Variants in CFHR2 observed in about 807,000 individuals in gnomAD.
The protein encoded by CFHR2 is complement factor H related 2, also known as complement factor H-related protein 2.
In CFHR2, 22 loss-of-function variants were observed where a neutral mutation model predicts 21.7. That is an observed-to-expected ratio of 1.01 (90% CI 0.72 to 1.45). The LOEUF (loss-of-function observed/expected upper bound fraction) is 1.45. CFHR2 is among the 40% of genes most tolerant of loss of function. The pLI is 0.00. For synonymous variants in CFHR2, 98 were observed against 97.4 expected, an observed-to-expected ratio of 1.01 and a Z score of -0.04; for missense variants, 294 against 293.3, an observed-to-expected ratio of 1.00 and a Z score of -0.02.
chr1:196,955,574 C>T (rs1222298779), intron 3 of CFHR2, among the ~76,000 whole-genome samples: 1 of 152,190 alleles, frequency 6.6e-6, no homozygotes, highest in Non-Finnish European at 1.5e-5. Flanking sequence ...TTTGGCCAGA[C>T]ATGGTGGCTC....
chr1:196,956,278 C>A (rs1443180225), intron 3 of CFHR2, among the ~76,000 whole-genome samples: 2 of 152,094 alleles, frequency 1.3e-5, no homozygotes, highest in Non-Finnish European at 2.9e-5. Context: ...TGATATCATT[C>A]CCTTCTTGTA....
intron 3 of CFHR2, among the ~76,000 whole-genome samples, chr1:196,953,025 A>G (rs1189321740): frequency 6.6e-6 from 1 of 152,176 alleles, no homozygotes; most frequent in East Asian, 1.9e-4. Context: ...ATGGTAGCTC[A>G]AGAACGCTGT....
At chr1:196,946,311 T>G (rs934922263) in intron 1 of CFHR2, among the ~76,000 whole-genome samples, 1 of 152,218 alleles carries the variant, frequency 6.6e-6, no homozygotes, top group African/African-American at 2.4e-5. Flanking sequence ...GTTACATGGA[T>G]AAGTTCTTCA....
rs1652986259 is a variant in CFHR2 at position 196,958,445 on chromosome 1, T to G, written c.613+372T>G. Among the ~76,000 whole-genome samples the G allele has an allele frequency of 2.0e-5, 3 of 151,684 alleles. No individual in the cohort carries two copies. The South Asian group carries it at 6.2e-4, about 32-fold the overall frequency. On this transcript the variant is annotated intron_variant, in intron 4 of 4. Transcript: ENST00000367415. ...GAGAGAGAGAGAGAGAGATGAGGAC[T>G]CTTAAAATCTGCTCTCTTTTCAAAT...
Position 196,959,164 on chromosome 1 carries a change from CT to C in CFHR2, c.*85del. ...TGTTTTCAATTTCATTTTTCAAGTA[CT>C]GTTTTACTCATTTTTATTCATAAAT... On this transcript the variant is annotated 3_prime_UTR_variant, in exon 5 of 5. Coordinates refer to ENST00000367415, the MANE Select transcript of CFHR2 (RefSeq NM_005666.4). 1 of 964,512 alleles carries C rather than the reference CT, an allele frequency of 1.0e-6. No homozygotes were observed. The highest frequency in any genetic ancestry group is 1.5e-6 in the Non-Finnish European group (1 of 657,188). 59.7% of individuals were successfully genotyped at this position (964,512 alleles called of 1,614,324 possible).
At chr1:196,950,527 G>A (rs150586491) in intron 2 of CFHR2, among the ~76,000 whole-genome samples, 13 of 152,116 alleles carry the variant, frequency 8.5e-5, no homozygotes, top group East Asian at 1.9e-4. Context: ...AGGCTGAAGT[G>A]CAGTGGTGCC....
At chr1:196,950,530 G>A (rs572328360) in intron 2 of CFHR2, among the ~76,000 whole-genome samples, 2 of 152,246 alleles carry the variant, frequency 1.3e-5, no homozygotes, top group East Asian at 3.9e-4. Context: ...CTGAAGTGCA[G>A]TGGTGCCATC....
chr1:196,959,274 A>G lies in CFHR2; in HGVS notation c.*194A>G. The G allele has an allele frequency of 1.9e-6, 1 of 514,550 alleles. No individual in the cohort carries two copies. The highest frequency in any genetic ancestry group is 3.4e-6 in the Non-Finnish European group (1 of 293,176). 31.9% of individuals were successfully genotyped at this position (514,550 alleles called of 1,614,324 possible). A position where few individuals can be genotyped will look rare whatever the true frequency, so the allele number is the denominator to read the frequency against. ...AGGACTATCTTCACCAAATCTAAGTAACAACCTAGGAATTGTCTTTTTTTT... is the reference window on the plus strand; with the variant it reads ...AGGACTATCTTCACCAAATCTAAGTGACAACCTAGGAATTGTCTTTTTTTT... On this transcript the variant is annotated 3_prime_UTR_variant, in exon 5 of 5. Transcript: ENST00000367415.
intron 3 of CFHR2, among the ~76,000 whole-genome samples, chr1:196,953,024 C>G (rs1231011725): frequency 2.0e-5 from 3 of 152,084 alleles, no homozygotes; most frequent in Non-Finnish European, 4.4e-5. Flanking sequence ...AATGGTAGCT[C>G]AAGAACGCTG....
chr1:196,952,203 G>C (rs575633906), intron 3 of CFHR2, among the ~76,000 whole-genome samples: 1 of 152,292 alleles, frequency 6.6e-6, no homozygotes, highest in Admixed American at 6.5e-5. Context: ...TTGAGCCCAG[G>C]TGTTCAAGGC....
rs760513340 is a variant in CFHR2, at chr1:196,950,855, T to A, written c.257T>A (p.Leu86Gln). 1 of 1,613,282 alleles carries A rather than the reference T, an allele frequency of 6.2e-7. No individual in the cohort carries two copies. Residue 86 changes from leucine to glutamine, a missense_variant, in exon 3 of 5, where the codon CTG becomes CAG. By Grantham distance (113) the Leu-to-Gln change is moderately radical. Coordinates refer to ENST00000367415, the MANE Select transcript of CFHR2 (RefSeq NM_005666.4). ...GWSPTPKCLR[L>Q]CFFPFVENGH... Reference sequence around the variant, plus strand: ...TTAATCTGTTTTTGGTCTTTAGGACTGTGTTTCTTTCCTTTTGTGGAAAAT... The same window carrying A: ...TTAATCTGTTTTTGGTCTTTAGGACAGTGTTTCTTTCCTTTTGTGGAAAAT...
intron 4 of CFHR2, 116 bp downstream of exon 4, chr1:196,958,189 G>C (rs899314245): frequency 9.7e-7 from 1 of 1,036,184 alleles, no homozygotes; most frequent in Non-Finnish European, 1.4e-6. Flanking sequence ...CTGAATGCTT[G>C]CCTACCAAAT....
At chr1:196,956,429 T>C (rs1352591887) in intron 3 of CFHR2, among the ~76,000 whole-genome samples, 1 of 152,218 alleles carries the variant, frequency 6.6e-6, no homozygotes, top group Non-Finnish European at 1.5e-5. Context: ...GTCTGGGAAG[T>C]GTTCAGTCAT....
intron 1 of CFHR2, among the ~76,000 whole-genome samples, chr1:196,944,711 GT>G (rs2125000481): frequency 1.3e-5 from 2 of 151,960 alleles, no homozygotes; most frequent in East Asian, 3.9e-4. Context: ...TTTCCAAAAA[GT>G]TTTTACTTTA....
chr1:196,957,681 T>C (rs1444866955), intron 3 of CFHR2, among the ~76,000 whole-genome samples: 3 of 152,208 alleles, frequency 2.0e-5, no homozygotes, highest in Non-Finnish European at 2.9e-5. Flanking sequence ...AAGTGTCATC[T>C]TTGTTAATGC....
intron 1 of CFHR2, among the ~76,000 whole-genome samples, chr1:196,947,424 C>G (rs2125003788): frequency 6.6e-6 from 1 of 152,220 alleles, no homozygotes; most frequent in East Asian, 1.9e-4. Context: ...AAATAAACTA[C>G]TATAATTTTG....
At chr1:196,952,201 A>C (rs1263815951) in intron 3 of CFHR2, among the ~76,000 whole-genome samples, 2 of 152,180 alleles carry the variant, frequency 1.3e-5, no homozygotes, top group Non-Finnish European at 2.9e-5. Flanking sequence ...ACTTGAGCCC[A>C]GGTGTTCAAG....
chr1:196,958,970 G>A lies in CFHR2; in HGVS notation c.703G>A (p.Asp235Asn). The A allele has an allele frequency of 6.2e-7, 1 of 1,609,200 alleles. No homozygotes were observed. Among genetic ancestry groups the A allele is most frequent in the African/African-American group, 1.3e-5 (1 of 74,922 alleles). The change falls in exon 5 of 5, where the codon GAC becomes AAC. Residue 235 changes from aspartate (D) to asparagine (N), a missense_variant. Coordinates refer to ENST00000367415, the MANE Select transcript of CFHR2 (RefSeq NM_005666.4). ...ACAAAAGCTTTATTCAAGAACAGGT[G>A]ACATAGTTGAATTTGTTTGTAAATC... is the stretch of plus-strand genomic sequence containing the variant. ...NQQKLYSRTGDIVEFVCKSGY... is the reference protein window; with the variant it reads ...NQQKLYSRTGNIVEFVCKSGY...
rs1228485293 is a variant in CFHR2, at chr1:196,952,161, A to C, written c.430+1133A>C. On this transcript the variant is annotated intron_variant, in intron 3 of 4. Transcript: ENST00000367415. The stretch of plus-strand genomic sequence containing the variant: ...CACAGTGGTGTGTGCCTCTAGTCTC[A>C]GCCACTGGTAAGTCTGAAGTAGGAG... Among the ~76,000 whole-genome samples the C allele has an allele frequency of 2.5e-4, 38 of 152,178 alleles. 1 individual carries two copies. The highest frequency in any genetic ancestry group is 2.4e-3 in the Admixed American group (37 of 15,278).
Sources: gnomAD v4.1 joint callset for allele counts (sites outside exome capture counted in the v4.1 genomes callset) on GRCh38, gnomAD v4.1.1 for gene constraint, MANE v1.5 for transcripts, NCBI Gene and HGNC (gene_info 2026-07-23, HGNC 2026-07-21) for gene names.